The following RAP1GAP2 variants were observed in gnomAD, a reference collection of about 807,000 sequenced individuals.
RAP1GAP2 encodes the protein rap1 GTPase-activating protein 2.
In RAP1GAP2, 27 loss-of-function variants were observed where a neutral mutation model predicts 95.0. The ratio of observed to expected loss-of-function variants is 0.28; its 90% confidence interval spans 0.21 to 0.39. The LOEUF is 0.39. Ranked by LOEUF, RAP1GAP2 falls within the 10% of genes least tolerant of loss-of-function variation. RAP1GAP2 has a pLI of 1.00. For synonymous variants in RAP1GAP2, 373 were observed against 380.9 expected (o/e 0.98, Z 0.24); for missense variants, 771 against 970.0 (o/e 0.79, Z 2.72).
At chr17:2,891,741 A>G (rs749055476) in intron 2 of RAP1GAP2, among the ~76,000 whole-genome samples, 26 of 149,940 alleles carry the variant, frequency 1.7e-4, no homozygotes, top group Non-Finnish European at 3.1e-4. Context: ...TTTGAGAGTT[A>G]TAACATCATT....
At chr17:3,000,374 A>C (rs1353030147) in intron 14 of RAP1GAP2, among the ~76,000 whole-genome samples, 2 of 152,180 alleles carry the variant, frequency 1.3e-5, no homozygotes, top group African/African-American at 4.8e-5. Flanking sequence ...GCCAAGCTCC[A>C]GGCTGGAATG....
intron 1 of RAP1GAP2, among the ~76,000 whole-genome samples, chr17:2,778,228 A>G (rs2068552992): frequency 6.6e-6 from 1 of 151,460 alleles, no homozygotes; most frequent in Non-Finnish European, 1.5e-5. Context: ...AGGCTTCAAG[A>G]AGCTGCCTCT....
At chr17:2,950,314 A>G (rs1033395557) in intron 3 of RAP1GAP2, among the ~76,000 whole-genome samples, 4 of 152,048 alleles carry the variant, frequency 2.6e-5, no homozygotes, top group Non-Finnish European at 5.9e-5. Flanking sequence ...GGCCTCCCAA[A>G]ATGTTGGGAT....
chr17:2,971,477 G>A (rs1388487687), intron 8 of RAP1GAP2, among the ~76,000 whole-genome samples: 1 of 152,046 alleles, frequency 6.6e-6, no homozygotes, highest in Non-Finnish European at 1.5e-5. Flanking sequence ...GCTCATGCCT[G>A]TAATCCCAGC....
intron 17 of RAP1GAP2, among the ~76,000 whole-genome samples, chr17:3,012,710 C>CTGCATACG (rs2046600460): frequency 6.6e-6 from 1 of 151,254 alleles, no homozygotes; most frequent in Admixed American, 6.6e-5. Context: ...GAAGTCAGCA[C>CTGCATACG]TGCATACGCA....
intron 1 of RAP1GAP2, among the ~76,000 whole-genome samples, chr17:2,799,643 A>T (rs1416230387): frequency 1.3e-5 from 2 of 152,142 alleles, no homozygotes; most frequent in Non-Finnish European, 2.9e-5. Flanking sequence ...ATGGACAGTG[A>T]TGGTGACACG....
At chr17:2,884,820 G>A (rs1280899603) in intron 2 of RAP1GAP2, among the ~76,000 whole-genome samples, 1 of 152,160 alleles carries the variant, frequency 6.6e-6, no homozygotes, top group Non-Finnish European at 1.5e-5. Context: ...TCACGGAACT[G>A]TGCTTGGCAG....
chr17:2,809,193 T>C (rs1468600748), intron 2 of RAP1GAP2, among the ~76,000 whole-genome samples: 1 of 152,108 alleles, frequency 6.6e-6, no homozygotes, highest in Non-Finnish European at 1.5e-5. Context: ...GACAAACAGC[T>C]CCCCGGACTT....
chr17:2,920,639 G>T (rs920345981), intron 3 of RAP1GAP2, among the ~76,000 whole-genome samples: 1 of 152,366 alleles, frequency 6.6e-6, no homozygotes. Context: ...TTACTGCAGG[G>T]ATTAAAGGAG....
chr17:2,789,705 C>G (rs567161584), intron 1 of RAP1GAP2, among the ~76,000 whole-genome samples: 1 of 139,174 alleles, frequency 7.2e-6, no homozygotes, highest in South Asian at 2.4e-4. Context: ...TTGCTTGAAC[C>G]TGGGAGGCAG....
upstream of RAP1GAP2, among the ~76,000 whole-genome samples, chr17:2,776,845 G>T (rs1395061926): frequency 6.6e-6 from 1 of 151,626 alleles, no homozygotes; most frequent in East Asian, 1.9e-4. Flanking sequence ...AGGAGGAGGA[G>T]GAGGAGGAGG....
At chr17:2,872,107 G>T (rs540975523) in intron 2 of RAP1GAP2, among the ~76,000 whole-genome samples, 1 of 151,442 alleles carries the variant, frequency 6.6e-6, no homozygotes, top group Non-Finnish European at 1.5e-5. Context: ...CCAGCTACTC[G>T]GGAGGCTGAG....
rs1379951017 is a variant in RAP1GAP2 at position 2,879,122 on chromosome 17, T to C, written c.81-26162T>C. Among the ~76,000 whole-genome samples the C allele has an allele frequency of 2.0e-5, 3 of 151,526 alleles. No homozygotes were observed. In the East Asian group the frequency reaches 5.8e-4, roughly 29 times the overall value. On this transcript the variant is annotated intron_variant, in intron 2 of 24. Coordinates refer to ENST00000254695, the MANE Select transcript of RAP1GAP2 (RefSeq NM_015085.5). ...GGCCCCACCTCCAAGCCCTTCTTTT[T>C]TTTTTTTTTTGAGACAGAGTCTTGC...
At chr17:2,944,588 C>T (rs2043637958) in intron 3 of RAP1GAP2, among the ~76,000 whole-genome samples, 1 of 152,158 alleles carries the variant, frequency 6.6e-6, no homozygotes, top group African/African-American at 2.4e-5. Context: ...CTTTGACCTT[C>T]CTCTTTAAGA....
chr17:2,891,266 G>C (rs974927037), intron 2 of RAP1GAP2, among the ~76,000 whole-genome samples: 3 of 151,696 alleles, frequency 2.0e-5, no homozygotes, highest in African/African-American at 7.3e-5. Context: ...CCCTACCTCA[G>C]CTTCCCAAAT....
intron 2 of RAP1GAP2, among the ~76,000 whole-genome samples, chr17:2,872,947 A>G (rs2072908569): frequency 6.6e-6 from 1 of 152,000 alleles, no homozygotes; most frequent in African/African-American, 2.4e-5. Flanking sequence ...TAGTAAAAAT[A>G]CAAAAATTAG....
At chr17:3,014,817 A>C (rs964285085) in intron 17 of RAP1GAP2, among the ~76,000 whole-genome samples, 1 of 152,122 alleles carries the variant, frequency 6.6e-6, no homozygotes, top group Non-Finnish European at 1.5e-5. Context: ...TCCACTTCCC[A>C]AAGTGTTGGG....
intron 2 of RAP1GAP2, among the ~76,000 whole-genome samples, chr17:2,856,371 C>T (rs8075015): frequency 2.0e-5 from 3 of 152,112 alleles, no homozygotes; most frequent in African/African-American, 2.4e-5. Flanking sequence ...CTGGGAACCT[C>T]GGTTTCTGCC....
chr17:2,991,500 C>G, intron 12 of RAP1GAP2, 103 bp downstream of exon 12: 2 of 866,054 alleles, frequency 2.3e-6, no homozygotes, highest in Non-Finnish European at 3.7e-6. Flanking sequence ...TAAAAACACA[C>G]AAGAAATGAG....
Sources: allele counts gnomAD v4.1 joint callset (sites outside exome capture counted in the v4.1 genomes callset), GRCh38; gene constraint gnomAD v4.1.1; transcripts MANE v1.5; gene names NCBI Gene and HGNC (gene_info 2026-07-23, HGNC 2026-07-21).